Variants in ANKRD28 observed in about 807,000 individuals in gnomAD.
ANKRD28 encodes ankyrin repeat domain 28.
In ANKRD28, 44 loss-of-function variants were observed where a neutral mutation model predicts 126.5. The ratio of observed to expected loss-of-function variants is 0.35; its 90% confidence interval spans 0.27 to 0.45. ANKRD28 has a LOEUF of 0.45. ANKRD28 is among the 20% of genes least tolerant of loss of function. The probability of loss-of-function intolerance (pLI) is 1.00; values close to 1 mark genes in which losing one functional copy is unlikely to be tolerated. For missense variants in ANKRD28, 1,110 were observed against 1,316.6 expected (o/e 0.84, Z 2.43); for synonymous variants, 442 against 468.5 (o/e 0.94, Z 0.73).
rs563335094 is a variant in ANKRD28 at position 15,816,056 on chromosome 3, A to G, written c.28-20750T>C. Among the ~76,000 whole-genome samples the G allele has an allele frequency of 1.2e-4, 18 of 152,306 alleles. No homozygotes were observed. The highest frequency in any genetic ancestry group is 4.3e-4 in the African/African-American group (18 of 41,574). On this transcript the variant is annotated intron_variant, in intron 1 of 27. Coordinates refer to the ANKRD28 transcript ENST00000399451. This position sits in a 1 kb window ranked among gnomAD's most constrained non-coding sequence, Gnocchi z 5.0. ...TATATTAATAGTCAAGCTCAAAACAATATCACGAGCGTATTTCTGACTGAT... is the reference window on the plus strand; with the variant it reads ...TATATTAATAGTCAAGCTCAAAACAGTATCACGAGCGTATTTCTGACTGAT...
intron 2 of ANKRD28, among the ~76,000 whole-genome samples, chr3:15,768,051 T>A (rs954014150): frequency 3.3e-5 from 5 of 152,142 alleles, no homozygotes; most frequent in African/African-American, 1.2e-4. Context: ...CAACAAGATC[T>A]GGAATAAATA....
At chr3:15,736,313 T>C (rs2075012954) in intron 5 of ANKRD28, among the ~76,000 whole-genome samples, 2 of 152,226 alleles carry the variant, frequency 1.3e-5, no homozygotes, top group South Asian at 2.1e-4. Context: ...ACACAGTATC[T>C]ATAGGGTTTG....
intron 1 of ANKRD28, among the ~76,000 whole-genome samples, chr3:15,834,035 A>C (rs1240104417): frequency 6.6e-6 from 1 of 151,938 alleles, no homozygotes; most frequent in Non-Finnish European, 1.5e-5. Context: ...TGTAGGTTGT[A>C]TGTTTACTCT....
chr3:15,846,110 T>G lies in ANKRD28; in HGVS notation c.27+13267A>C, dbSNP rs2061524771. Among the ~76,000 whole-genome samples the G allele has an allele frequency of 6.6e-6, 1 of 152,070 alleles. No homozygotes were observed. Among genetic ancestry groups the G allele is most frequent in the Non-Finnish European group, 1.5e-5 (1 of 68,018 alleles). On this transcript the variant is annotated intron_variant, in intron 1 of 27. Transcript: ENST00000399451. This position sits in a 1 kb window ranked among gnomAD's most constrained non-coding sequence, Gnocchi z 5.4. ...TCCAATAGTCTCCCAAAATCTTAAC[T>G]CGTCCCAGCGTTAACTCAGAAATCC...
Position 15,838,709 on chromosome 3 carries a change from C to CT in ANKRD28, c.27+20667dup, listed in dbSNP as rs1313206710. Among the ~76,000 whole-genome samples, 4 of 151,102 alleles carry CT rather than the reference C, an allele frequency of 2.6e-5. No individual in the cohort carries two copies. In the East Asian group the frequency reaches 7.8e-4, roughly 29 times the overall value. On this transcript the variant is annotated intron_variant, in intron 1 of 27. Coordinates refer to the ANKRD28 transcript ENST00000399451. The surrounding 1 kb of genome is among the most constrained non-coding windows in gnomAD (Gnocchi z 4.0). ...GTTGCAGTGAGCCGGGACCACGCCA[C>CT]TGCACTCCAGCCTGGGCAACAAGAA...
intron 2 of ANKRD28, among the ~76,000 whole-genome samples, chr3:15,776,541 A>G (rs1271303434): frequency 1.3e-5 from 2 of 152,198 alleles, no homozygotes; most frequent in Non-Finnish European, 2.9e-5. Flanking sequence ...TGCTTGGGGA[A>G]GAATAAGTAG....
intron 2 of ANKRD28, among the ~76,000 whole-genome samples, chr3:15,788,972 T>G (rs2059905997): frequency 1.3e-5 from 2 of 152,138 alleles, no homozygotes; most frequent in African/African-American, 4.8e-5. Context: ...CCAATAAGGC[T>G]AAGAAGATAT....
chr3:15,728,012 A>G (rs189818909), intron 6 of ANKRD28, among the ~76,000 whole-genome samples: 1 of 152,226 alleles, frequency 6.6e-6, no homozygotes, highest in Non-Finnish European at 1.5e-5. Flanking sequence ...TGTGAAGGGA[A>G]GAGTCCATCG....
intron 4 of ANKRD28, among the ~76,000 whole-genome samples, chr3:15,742,089 A>G (rs192372272): frequency 0.019 from 2,936 of 151,792 alleles, 98 homozygotes; most frequent in African/African-American, 0.067. Context: ...GCTCGCTACA[A>G]CCTCCACCTC....
chr3:15,696,864 T>C (rs1034046287), intron 14 of ANKRD28, among the ~76,000 whole-genome samples: 4 of 152,192 alleles, frequency 2.6e-5, no homozygotes, highest in Non-Finnish European at 4.4e-5. Flanking sequence ...AAAACCACTA[T>C]GGAAAACTGT....
At chr3:15,754,620 T>C (rs2058058566) in intron 3 of ANKRD28, among the ~76,000 whole-genome samples, 1 of 152,166 alleles carries the variant, frequency 6.6e-6, no homozygotes, top group Non-Finnish European at 1.5e-5. Flanking sequence ...GTTTCAGGCA[T>C]CTACTTGGGG....
At chr3:15,855,505 C>A (rs1323257101) in intron 1 of ANKRD28, among the ~76,000 whole-genome samples, 1 of 152,152 alleles carries the variant, frequency 6.6e-6, no homozygotes, top group Non-Finnish European at 1.5e-5. Context: ...ATTCCAAAAA[C>A]AGAAATAAAT....
chr3:15,833,277 A>G lies in ANKRD28; in HGVS notation c.27+26100T>C, dbSNP rs1285920179. ...CACAGCTGGAATATGAAGTAGGCAGAAAAACGTGAAAAGACTAGACTGGTG... is the reference window on the plus strand; with the variant it reads ...CACAGCTGGAATATGAAGTAGGCAGGAAAACGTGAAAAGACTAGACTGGTG... On this transcript the variant is annotated intron_variant, in intron 1 of 27. Transcript: ENST00000399451. The surrounding 1 kb of genome is among the most constrained non-coding windows in gnomAD (Gnocchi z 4.4). 6.6e-6 allele frequency among the ~76,000 whole-genome samples: 1 copy of G among 152,078 alleles called. No homozygotes were observed. The highest frequency in any genetic ancestry group is 1.5e-5 in the Non-Finnish European group (1 of 68,026).
At chr3:15,858,199 A>G (rs1467441455) in intron 1 of ANKRD28, among the ~76,000 whole-genome samples, 5 of 152,220 alleles carry the variant, frequency 3.3e-5, no homozygotes. Context: ...AAATTGCTAC[A>G]TGTGGCTAGT....
intron 10 of ANKRD28, 108 bp downstream of exon 10, chr3:15,713,419 A>G (rs1575328994): frequency 2.5e-6 from 2 of 804,382 alleles, no homozygotes; most frequent in East Asian, 5.5e-5. Flanking sequence ...CAATTAATAC[A>G]ACATTGAGGA....
intron 25 of ANKRD28, 49 bp from the exon 26 acceptor site, chr3:15,677,105 A>G (rs2067014614): frequency 2.1e-6 from 3 of 1,407,076 alleles, no homozygotes; most frequent in Non-Finnish European, 3.0e-6. Context: ...CATTAAAGAT[A>G]CATTTATACA....
At chr3:15,681,909 C>T (rs1427593929) in intron 21 of ANKRD28, among the ~76,000 whole-genome samples, 2 of 152,222 alleles carry the variant, frequency 1.3e-5, no homozygotes, top group East Asian at 3.9e-4. Flanking sequence ...AATCATCTGG[C>T]CCAAAACGTC....
At chr3:15,805,500 T>C (rs1440625922) in intron 1 of ANKRD28, among the ~76,000 whole-genome samples, 1 of 152,216 alleles carries the variant, frequency 6.6e-6, no homozygotes, top group Non-Finnish European at 1.5e-5. Context: ...ACTTATGTTC[T>C]ATCAGGCCAA....
chr3:15,817,534 C>A lies in ANKRD28; in HGVS notation c.28-22228G>T, dbSNP rs552735282. On this transcript the variant is annotated intron_variant, in intron 1 of 27. Coordinates refer to the ANKRD28 transcript ENST00000399451. The surrounding 1 kb of genome is among the most constrained non-coding windows in gnomAD (Gnocchi z 4.5). The stretch of plus-strand genomic sequence containing the variant: ...TGTATCTGTGACAGAGGGAGACAGA[C>A]AGACATACAGTTCCTTAGGAATCAC... Among the ~76,000 whole-genome samples the A allele has an allele frequency of 6.6e-6, 1 of 152,244 alleles. No homozygotes were observed. The highest frequency in any genetic ancestry group is 2.1e-4 in the South Asian group (1 of 4,824).
Sources: allele counts gnomAD v4.1 joint callset (sites outside exome capture counted in the v4.1 genomes callset), GRCh38; gene constraint gnomAD v4.1.1; non-coding constraint Gnocchi (gnomAD v3.1); transcripts MANE v1.5; gene names NCBI Gene and HGNC (gene_info 2026-07-23, HGNC 2026-07-21).